DNAJC27: variants seen among roughly 807,000 people sequenced by gnomAD.
DNAJC27 encodes dnaJ homolog subfamily C member 27.
A neutral mutation model predicts 31.4 loss-of-function variants in DNAJC27; 25 were observed. That is an observed-to-expected ratio of 0.80 (90% CI 0.58 to 1.11). The LOEUF (loss-of-function observed/expected upper bound fraction) is 1.11. Among genes scored for constraint, DNAJC27 ranks in the 50% most tolerant of loss-of-function variants. The pLI is 0.00. For synonymous variants in DNAJC27, 106 were observed against 112.7 expected, an observed-to-expected ratio of 0.94 and a Z score of 0.37; for missense variants, 356 against 347.3, an observed-to-expected ratio of 1.02 and a Z score of -0.20.
chr2:24,944,020 G>C lies in DNAJC27; in HGVS notation c.*3596C>G, dbSNP rs1462050293. ...AATGGAAAAAAACGATGTACAAACA[G>C]TAAAACTGTATCTTACAATTGTGCT... On this transcript the variant is annotated 3_prime_UTR_variant, in exon 7 of 7. Transcript: ENST00000264711. The C allele has an allele frequency of 5.3e-5, 8 of 152,246 alleles. No individual in the cohort carries two copies. The highest frequency in any genetic ancestry group is 3.3e-4 in the Admixed American group (5 of 15,286). 9.4% of individuals were successfully genotyped at this position (152,246 alleles called of 1,614,324 possible). A position where few individuals can be genotyped will look rare whatever the true frequency, so the allele number is the denominator to read the frequency against.
chr2:24,971,578 C>T (rs1666338560), intron 1 of DNAJC27: 2 of 417,914 alleles, frequency 4.8e-6, no homozygotes, highest in Admixed American at 9.0e-5. Context: ...ACATTCAAGG[C>T]TTAGAGGCCA....
chr2:24,972,094 C>T, upstream of DNAJC27: 2 of 486,666 alleles, frequency 4.1e-6, no homozygotes, highest in South Asian at 5.5e-5. Context: ...GGGAGGGAGA[C>T]GGGAGTCTCG....
At chr2:24,968,187 T>C (rs1010693241) in intron 1 of DNAJC27, among the ~76,000 whole-genome samples, 8 of 152,198 alleles carry the variant, frequency 5.3e-5, no homozygotes, top group South Asian at 2.1e-4. Context: ...TAAATTATGG[T>C]TCCCAAGTTA....
At chr2:24,953,792 T>G (rs1665838927) in intron 5 of DNAJC27, among the ~76,000 whole-genome samples, 2 of 152,224 alleles carry the variant, frequency 1.3e-5, no homozygotes, top group South Asian at 4.1e-4. Context: ...CACATGGTTA[T>G]AGGAGACAAG....
intron 1 of DNAJC27, among the ~76,000 whole-genome samples, chr2:24,968,594 G>A (rs1447148589): frequency 6.6e-6 from 1 of 151,538 alleles, no homozygotes; most frequent in Non-Finnish European, 1.5e-5. Context: ...CGCCCGCCTC[G>A]GTCTCCCAAA....
intron 6 of DNAJC27, among the ~76,000 whole-genome samples, chr2:24,950,798 G>C (rs1300566684): frequency 6.6e-6 from 1 of 151,720 alleles, no homozygotes. Flanking sequence ...AGTGAGCTGA[G>C]ATCACGCCAC....
At position 24,971,844 on chromosome 2, in the gene DNAJC27, A is replaced by T; in HGVS notation, c.61T>A (p.Ser21Thr). 1 of 1,609,260 alleles carries T rather than the reference A, an allele frequency of 6.2e-7. No homozygotes were observed. Among genetic ancestry groups the T allele is most frequent in the Non-Finnish European group, 8.5e-7 (1 of 1,178,192 alleles). ...PGRSLRIKVISMGNAEVGKSC... is the reference protein window; with the variant it reads ...PGRSLRIKVITMGNAEVGKSC... ...TTCCCCACTTCGGCGTTGCCCATGGAGATGACTTTGATGCGGAGAGACCTG... is the reference window on the plus strand; with the variant it reads ...TTCCCCACTTCGGCGTTGCCCATGGTGATGACTTTGATGCGGAGAGACCTG... Residue 21 changes from serine (S) to threonine (T), a missense_variant, in exon 1 of 7, where the codon TCC becomes ACC. By Grantham distance (58) the Ser-to-Thr change is moderately conservative (BLOSUM62 1). Transcript: ENST00000264711.
intron 3 of DNAJC27, among the ~76,000 whole-genome samples, chr2:24,961,692 T>C (rs1666045533): frequency 1.3e-5 from 2 of 151,988 alleles, no homozygotes; most frequent in Admixed American, 6.6e-5. Flanking sequence ...TAACTGCAGA[T>C]GTGGTGGAAA....
At chr2:24,958,120 T>A (rs942431321) in intron 3 of DNAJC27, 146 bp from the exon 4 acceptor site, 3 of 721,528 alleles carry the variant, frequency 4.2e-6, no homozygotes, top group African/African-American at 3.6e-5. Context: ...ATTAGAGGGT[T>A]TTTTATAGAA....
At chr2:24,960,037 C>T (rs894858335) in intron 3 of DNAJC27, among the ~76,000 whole-genome samples, 16 of 152,204 alleles carry the variant, frequency 1.1e-4, no homozygotes, top group Non-Finnish European at 7.3e-5. Context: ...CACTTTATTG[C>T]ACAGTATGTA....
chr2:24,971,729 C>G, intron 1 of DNAJC27, 89 bp downstream of exon 1: 1 of 1,197,204 alleles, frequency 8.4e-7, no homozygotes, highest in East Asian at 2.9e-5. Flanking sequence ...GGAGGCCGGG[C>G]CCCAGGCTGT....
chr2:24,954,551 A>C (rs923790635), intron 5 of DNAJC27, among the ~76,000 whole-genome samples: 1 of 152,218 alleles, frequency 6.6e-6, no homozygotes, highest in African/African-American at 2.4e-5. Context: ...ATTAGGGCAA[A>C]AAAACAAGCC....
intron 1 of DNAJC27, among the ~76,000 whole-genome samples, chr2:24,970,843 A>G (rs995418460): frequency 6.6e-5 from 10 of 152,180 alleles, no homozygotes; most frequent in Non-Finnish European, 1.3e-4. Context: ...CATACACACA[A>G]AAGTAGTACG....
rs1301780039 is a variant in DNAJC27 at position 24,957,963 on chromosome 2, C to CT, written c.251dup (p.Phe85ValfsTer13). The CT allele has an allele frequency of 6.2e-7, 1 of 1,610,434 alleles. No individual in the cohort carries two copies. The highest frequency in any genetic ancestry group is 8.5e-7 in the Non-Finnish European group (1 of 1,178,632). ...TCACACCCTGTGTGTCCTTGTAAAA[C>CT]TCATTTCGAACCTTCAAATAAAAGG... is the stretch of plus-strand genomic sequence containing the variant. On this transcript the variant is annotated frameshift_variant, in exon 4 of 7. Transcript: ENST00000264711. LOFTEE classifies it high-confidence loss of function.
intron 3 of DNAJC27, 55 bp from the exon 4 acceptor site, chr2:24,958,029 G>T: frequency 6.6e-7 from 1 of 1,517,878 alleles, no homozygotes; most frequent in Non-Finnish European, 9.0e-7. Context: ...TTATAAGAAT[G>T]TATCTCACAG....
chr2:24,957,471 A>C (rs1665934968), intron 4 of DNAJC27, among the ~76,000 whole-genome samples: 1 of 152,134 alleles, frequency 6.6e-6, no homozygotes, highest in Non-Finnish European at 1.5e-5. Flanking sequence ...CCTTGGGGCC[A>C]TAGTCTGCTT....
At chr2:24,963,718 A>T (rs918843368) in intron 2 of DNAJC27, among the ~76,000 whole-genome samples, 3 of 152,192 alleles carry the variant, frequency 2.0e-5, no homozygotes, top group African/African-American at 7.2e-5. Context: ...TTTCACCTTC[A>T]CTTCTAGAAA....
At chr2:24,965,148 G>A (rs187186816) in intron 2 of DNAJC27, among the ~76,000 whole-genome samples, 26 of 151,938 alleles carry the variant, frequency 1.7e-4, no homozygotes, top group Admixed American at 9.8e-4. Flanking sequence ...GGAAGTTGCA[G>A]CAAGCTGAGG....
At chr2:24,967,342 C>T (rs371081770) in intron 1 of DNAJC27, 49 bp from the exon 2 acceptor site, 25 of 1,223,080 alleles carry the variant, frequency 2.0e-5, no homozygotes, top group Non-Finnish European at 2.9e-5. Flanking sequence ...AGTGAGAACA[C>T]ATACAGAATA....
Sources: allele counts gnomAD v4.1 joint callset (sites outside exome capture counted in the v4.1 genomes callset), GRCh38; gene constraint gnomAD v4.1.1; transcripts MANE v1.5; gene names NCBI Gene and HGNC (gene_info 2026-07-23, HGNC 2026-07-21).